FAF1: variants seen among roughly 807,000 people sequenced by gnomAD.
FAF1 encodes FAS-associated factor 1.
Under a neutral mutation model 92.5 loss-of-function variants are expected in FAF1, and 25 were observed. The observed-to-expected ratio is 0.27, with a 90% confidence interval of 0.20 to 0.38. The LOEUF (loss-of-function observed/expected upper bound fraction) is 0.38. FAF1 is among the 10% of genes least tolerant of loss of function. The pLI is 1.00. For synonymous variants in FAF1, 234 were observed against 273.2 expected (o/e 0.86, Z 1.42); for missense variants, 636 against 793.3 (o/e 0.80, Z 2.38).
At chr1:50,710,845 G>A (rs532031839) in intron 6 of FAF1, among the ~76,000 whole-genome samples, 5 of 150,924 alleles carry the variant, frequency 3.3e-5, no homozygotes, top group African/African-American at 1.2e-4. Flanking sequence ...CTCGTGATCC[G>A]CCCATCTCAG....
chr1:50,794,789 A>ATTTTTTTT (rs59806816), intron 3 of FAF1, among the ~76,000 whole-genome samples: 9 of 123,492 alleles, frequency 7.3e-5, no homozygotes, highest in Non-Finnish European at 1.2e-4. Context: ...TCACCCAGCT[A>ATTTTTTTT]TTTTTTTTTT....
intron 8 of FAF1, among the ~76,000 whole-genome samples, chr1:50,609,417 C>T (rs1652591358): frequency 6.6e-6 from 1 of 152,162 alleles, no homozygotes; most frequent in Admixed American, 6.5e-5. Context: ...CAAGGTCTCA[C>T]TCTGTCACCC....
rs750480004 is a variant in FAF1 at position 50,584,779 on chromosome 1, G to A, written c.873C>T (p.Ser291=). 4.3e-6 allele frequency: 7 copies of A among 1,613,042 alleles called. No homozygotes were observed. The South Asian group carries it at 6.6e-5, about 15-fold the overall frequency. ...QITDVHMVSD[S]DGDDFEDATE... is the part of the protein sequence containing the mutation. The stretch of plus-strand genomic sequence containing the variant: ...TAGCATCTTCAAAGTCATCTCCATC[G>A]CTATCACTAACCATATGAACATCGG... Residue 291 remains serine (S), a synonymous_variant, in exon 10 of 19, where the codon AGC becomes AGT. Coordinates refer to ENST00000396153, the MANE Select transcript of FAF1 (RefSeq NM_007051.3).
intron 6 of FAF1, among the ~76,000 whole-genome samples, chr1:50,710,608 C>CT (rs780905134): frequency 4.6e-4 from 67 of 146,904 alleles, no homozygotes; most frequent in Middle Eastern, 3.5e-3. Context: ...TTTAAAAACC[C>CT]TTTTTTTTTT....
intron 1 of FAF1, among the ~76,000 whole-genome samples, chr1:50,903,175 C>G (rs552772542): frequency 3.9e-5 from 6 of 152,338 alleles, no homozygotes; most frequent in African/African-American, 1.4e-4. Flanking sequence ...CATATTCAAA[C>G]TACTCTCACA....
At chr1:50,820,627 T>C (rs1473677868) in intron 2 of FAF1, among the ~76,000 whole-genome samples, 3 of 152,168 alleles carry the variant, frequency 2.0e-5, no homozygotes, top group Non-Finnish European at 4.4e-5. Context: ...AACTGAAAGT[T>C]TGTACCCTTT....
At chr1:50,896,225 C>T (rs1465044947) in intron 1 of FAF1, among the ~76,000 whole-genome samples, 2 of 151,986 alleles carry the variant, frequency 1.3e-5, no homozygotes, top group Admixed American at 6.6e-5. Context: ...GTTGAGGCTG[C>T]GGTGAGCCAT....
chr1:50,468,413 C>T (rs909270227), intron 18 of FAF1, among the ~76,000 whole-genome samples: 2 of 151,718 alleles, frequency 1.3e-5, no homozygotes, highest in African/African-American at 4.8e-5. Flanking sequence ...GTGCCTCAGC[C>T]TCCCAAGTAG....
At chr1:50,484,834 T>C (rs1646744432) in intron 17 of FAF1, among the ~76,000 whole-genome samples, 1 of 151,928 alleles carries the variant, frequency 6.6e-6, no homozygotes, top group Admixed American at 6.6e-5. Flanking sequence ...GGCTTAAAAA[T>C]ATCTTTTTAA....
At chr1:50,553,722 G>T (rs915509774) in intron 13 of FAF1, among the ~76,000 whole-genome samples, 1 of 152,142 alleles carries the variant, frequency 6.6e-6, no homozygotes, top group African/African-American at 2.4e-5. Context: ...TTGGTAGGAA[G>T]AGGCAGGGAA....
At chr1:50,510,757 A>T (rs1290388824) in intron 15 of FAF1, among the ~76,000 whole-genome samples, 2 of 152,228 alleles carry the variant, frequency 1.3e-5, no homozygotes, top group Non-Finnish European at 2.9e-5. Context: ...AAATTTCAAA[A>T]AGGTTTCTCT....
At position 50,935,055 on chromosome 1, in the gene FAF1, T is replaced by C. The variant is rs142989390; in HGVS notation, c.45+24712A>G. 9.4e-3 allele frequency among the ~76,000 whole-genome samples: 1,425 copies of C among 152,342 alleles called. 11 individuals carry two copies. Among genetic ancestry groups the C allele is most frequent in the Non-Finnish European group, 0.015 (1,047 of 68,034 alleles). On this transcript the variant is annotated intron_variant, in intron 1 of 18. Coordinates refer to ENST00000396153, the MANE Select transcript of FAF1 (RefSeq NM_007051.3). ...TCACTAAGCTTCTTAAATCTGTATA[T>C]TTATGTCTCACACCAACTAACTGCA...
intron 3 of FAF1, among the ~76,000 whole-genome samples, chr1:50,799,547 C>T (rs2124589493): frequency 6.6e-6 from 1 of 151,816 alleles, no homozygotes; most frequent in Non-Finnish European, 1.5e-5. Context: ...ATAATTAGTA[C>T]AGTTTTTTGT....
At chr1:50,806,584 T>TCAG in intron 2 of FAF1, among the ~76,000 whole-genome samples, 1 of 152,106 alleles carries the variant, frequency 6.6e-6, no homozygotes, top group Non-Finnish European at 1.5e-5. Context: ...CAGAGCCCAC[T>TCAG]AACCCGCTGA....
intron 7 of FAF1, among the ~76,000 whole-genome samples, chr1:50,679,771 G>A (rs1022787053): frequency 2.0e-5 from 3 of 152,194 alleles, no homozygotes; most frequent in Non-Finnish European, 4.4e-5. Flanking sequence ...TCCACAGGTA[G>A]TTGCATGTCA....
In FAF1 at chr1:50,634,179, G is replaced by A. The variant is rs1044435786; in HGVS notation, c.744+21263C>T. Among the ~76,000 whole-genome samples, 4 of 151,940 alleles carry A rather than the reference G, an allele frequency of 2.6e-5. No homozygotes were observed. The East Asian group carries it at 5.8e-4, about 22-fold the overall frequency. The stretch of plus-strand genomic sequence containing the variant: ...TTCATTTTCAGCCTTCCTTTTGGGT[G>A]AGAAAATTTGTAAGACTTTACAGCC... On this transcript the variant is annotated intron_variant, in intron 8 of 18. Transcript: ENST00000396153.
chr1:50,711,059 A>C (rs1657905234), intron 6 of FAF1, among the ~76,000 whole-genome samples: 1 of 150,078 alleles, frequency 6.7e-6, no homozygotes, highest in South Asian at 2.1e-4. Flanking sequence ...ACAAACACAC[A>C]CCACCACATC....
intron 6 of FAF1, among the ~76,000 whole-genome samples, chr1:50,724,682 TTC>T (rs1459345770): frequency 6.6e-6 from 1 of 152,214 alleles, no homozygotes; most frequent in African/African-American, 2.4e-5. Flanking sequence ...CTAGATTTGT[TTC>T]TCTTAGTGGA....
intron 9 of FAF1, among the ~76,000 whole-genome samples, chr1:50,585,351 T>A (rs1335559102): frequency 2.6e-5 from 4 of 152,162 alleles, no homozygotes; most frequent in Non-Finnish European, 5.9e-5. Context: ...GAAGATGAGA[T>A]GTAATAATAA....
Sources: gnomAD v4.1 joint callset for allele counts (sites outside exome capture counted in the v4.1 genomes callset) on GRCh38, gnomAD v4.1.1 for gene constraint, MANE v1.5 for transcripts, NCBI Gene and HGNC (gene_info 2026-07-23, HGNC 2026-07-21) for gene names.